The following GPC5 variants were observed in gnomAD, a reference collection of about 807,000 sequenced individuals.
GPC5 encodes glypican-5.
Under a neutral mutation model 53.9 loss-of-function variants are expected in GPC5, and 47 were observed. That is an observed-to-expected ratio of 0.87 (90% CI 0.69 to 1.11). The LOEUF is 1.11. Among genes scored for constraint, GPC5 ranks in the 50% most tolerant of loss-of-function variants. GPC5 has a pLI of 0.00. For missense variants in GPC5, 748 were observed against 713.1 expected (o/e 1.05, Z -0.56); for synonymous variants, 286 against 263.3 (o/e 1.09, Z -0.84).
At chr13:91,794,160 G>T (rs1241279843) in intron 5 of GPC5, among the ~76,000 whole-genome samples, 2 of 152,006 alleles carry the variant, frequency 1.3e-5, no homozygotes, top group Non-Finnish European at 2.9e-5. Flanking sequence ...TTTTCCTCAA[G>T]AATAATTTCC....
rs187678477 is a variant in GPC5 at position 92,103,703 on chromosome 13, C to T, written c.1402-41127C>T. Among the ~76,000 whole-genome samples, 56 of 152,276 alleles carry T rather than the reference C, an allele frequency of 3.7e-4. 1 individual carries two copies. The East Asian group carries it at 9.3e-3, about 25-fold the overall frequency. On this transcript the variant is annotated intron_variant, in intron 6 of 7. Coordinates refer to ENST00000377067, the MANE Select transcript of GPC5 (RefSeq NM_004466.6). The stretch of plus-strand genomic sequence containing the variant: ...AAAGGCCCTGCAACAATAACTCTCT[C>T]GGCATTTAGCAAGCATTTCTGAGTG...
chr13:91,655,992 C>G (rs140782740), intron 2 of GPC5, among the ~76,000 whole-genome samples: 5 of 152,108 alleles, frequency 3.3e-5, no homozygotes, highest in Admixed American at 1.3e-4. Context: ...TGCGTATACC[C>G]AAGGATCCTT....
intron 7 of GPC5, among the ~76,000 whole-genome samples, chr13:92,572,939 C>A (rs911783369): frequency 6.6e-6 from 1 of 152,148 alleles, no homozygotes; most frequent in African/African-American, 2.4e-5. Flanking sequence ...ATATTGACTT[C>A]TTTGAGATGG....
At chr13:92,025,781 A>G (rs949956492) in intron 6 of GPC5, among the ~76,000 whole-genome samples, 2 of 152,170 alleles carry the variant, frequency 1.3e-5, no homozygotes, top group African/African-American at 2.4e-5. Context: ...CCATAATTCA[A>G]TATGATCCTT....
At chr13:92,617,160 A>G (rs115716470) in intron 7 of GPC5, among the ~76,000 whole-genome samples, 3,425 of 152,228 alleles carry the variant, frequency 0.022, 129 homozygotes, top group African/African-American at 0.077. Flanking sequence ...AGGACTTTGG[A>G]ACATCTCTGA....
chr13:91,768,441 A>T (rs938570650), intron 5 of GPC5, among the ~76,000 whole-genome samples: 2 of 152,206 alleles, frequency 1.3e-5, no homozygotes, highest in Admixed American at 6.5e-5. Context: ...AATTATGTAT[A>T]AAACTGATTA....
intron 7 of GPC5, among the ~76,000 whole-genome samples, chr13:92,838,484 C>CG (rs986572631): frequency 6.9e-6 from 1 of 145,316 alleles, no homozygotes; most frequent in Admixed American, 6.7e-5. Flanking sequence ...CTCCGCGCCC[C>CG]CCCCAAAAAA....
At chr13:91,527,408 C>A (rs185704714) in intron 2 of GPC5, among the ~76,000 whole-genome samples, 2 of 152,242 alleles carry the variant, frequency 1.3e-5, no homozygotes, top group African/African-American at 2.4e-5. Flanking sequence ...CCGTGTCTCA[C>A]GTCCAGGGCA....
chr13:91,873,334 T>C (rs749488843), intron 5 of GPC5, among the ~76,000 whole-genome samples: 2 of 152,140 alleles, frequency 1.3e-5, no homozygotes, highest in Non-Finnish European at 2.9e-5. Flanking sequence ...TTGTTTTTGT[T>C]TTTATTTTTG....
intron 5 of GPC5, among the ~76,000 whole-genome samples, chr13:91,852,487 T>G (rs2038925502): frequency 6.6e-6 from 1 of 151,472 alleles, no homozygotes; most frequent in South Asian, 2.1e-4. Flanking sequence ...GTTTACTTGT[T>G]TTTTTTTTCT....
intron 5 of GPC5, among the ~76,000 whole-genome samples, chr13:91,790,255 T>A (rs1041266322): frequency 6.6e-6 from 1 of 152,240 alleles, no homozygotes; most frequent in African/African-American, 2.4e-5. Flanking sequence ...TTTCTTTATA[T>A]ACCTGTTGAC....
At chr13:92,464,399 G>C (rs1195729860) in intron 7 of GPC5, among the ~76,000 whole-genome samples, 4 of 152,048 alleles carry the variant, frequency 2.6e-5, no homozygotes, top group Non-Finnish European at 5.9e-5. Flanking sequence ...CAATTTTATA[G>C]AGTTAGGAAT....
At chr13:91,514,963 G>A (rs1464813231) in intron 2 of GPC5, among the ~76,000 whole-genome samples, 2 of 152,148 alleles carry the variant, frequency 1.3e-5, no homozygotes, top group African/African-American at 4.8e-5. Flanking sequence ...ATAGCCACTA[G>A]CCTCATGGAA....
At chr13:92,511,443 T>C (rs1351858807) in intron 7 of GPC5, among the ~76,000 whole-genome samples, 1 of 152,232 alleles carries the variant, frequency 6.6e-6, no homozygotes, top group Admixed American at 6.5e-5. Context: ...GTCATACTTG[T>C]AATTACTTTA....
intron 2 of GPC5, among the ~76,000 whole-genome samples, chr13:91,534,760 C>A (rs865840271): frequency 9.9e-5 from 15 of 152,026 alleles, no homozygotes; most frequent in South Asian, 4.1e-4. Context: ...CTCAATTTCT[C>A]TGAAATCCTG....
chr13:91,550,623 A>G (rs539106483), intron 2 of GPC5, among the ~76,000 whole-genome samples: 2 of 152,280 alleles, frequency 1.3e-5, no homozygotes, highest in African/African-American at 4.8e-5. Flanking sequence ...GAATGGGCAC[A>G]TCAGAATTGT....
intron 7 of GPC5, among the ~76,000 whole-genome samples, chr13:92,325,875 G>A (rs1015773005): frequency 1.3e-5 from 2 of 151,952 alleles, no homozygotes; most frequent in Non-Finnish European, 2.9e-5. Flanking sequence ...TTACAAAGGG[G>A]CCTCACTATA....
At chr13:92,325,624 G>T (rs528878142) in intron 7 of GPC5, among the ~76,000 whole-genome samples, 3 of 152,136 alleles carry the variant, frequency 2.0e-5, no homozygotes, top group African/African-American at 7.2e-5. Flanking sequence ...CAGATGATTG[G>T]TTGAACAAAC....
intron 7 of GPC5, among the ~76,000 whole-genome samples, chr13:92,311,567 G>A (rs1350518599): frequency 6.6e-6 from 1 of 152,118 alleles, no homozygotes; most frequent in Non-Finnish European, 1.5e-5. Context: ...GCATGGCTGG[G>A]GAGGCCTCAC....
Sources: gnomAD v4.1 joint callset for allele counts (sites outside exome capture counted in the v4.1 genomes callset) on GRCh38, gnomAD v4.1.1 for gene constraint, MANE v1.5 for transcripts, NCBI Gene and HGNC (gene_info 2026-07-23, HGNC 2026-07-21) for gene names.